Variants in MTIF3 observed in about 807,000 individuals in gnomAD.
MTIF3 encodes the protein translation initiation factor IF-3, mitochondrial.
In MTIF3, 13 loss-of-function variants were observed where a neutral mutation model predicts 20.7. The ratio of observed to expected loss-of-function variants is 0.63; its 90% CI spans 0.41 to 1.00. The LOEUF is 1.00. Ranked by LOEUF, MTIF3 falls within the 50% of genes least tolerant of loss-of-function variation. The probability of loss-of-function intolerance (pLI) is 0.00; values close to 1 mark genes in which losing one functional copy is unlikely to be tolerated. For missense variants in MTIF3, 295 were observed against 324.5 expected (o/e 0.91, Z 0.70); for synonymous variants, 114 against 112.5 (o/e 1.01, Z -0.08).
chr13:27,436,009 T>G (rs1953727029), intron 4 of MTIF3, 116 bp from the exon 5 acceptor site: 2 of 744,462 alleles, frequency 2.7e-6, no homozygotes, highest in Non-Finnish European at 4.5e-6. Flanking sequence ...GTCGGTTAAG[T>G]GATTAGCTAA....
intron 1 of MTIF3, among the ~76,000 whole-genome samples, chr13:27,446,064 CT>C (rs59086781): frequency 0.16 from 23,495 of 149,104 alleles, 1,915 homozygotes; most frequent in African/African-American, 0.16. Context: ...TTTCTTTTTT[CT>C]TTTTTTTTTG....
chr13:27,443,796 T>A (rs575513372), intron 2 of MTIF3, among the ~76,000 whole-genome samples: 2 of 152,132 alleles, frequency 1.3e-5, no homozygotes, highest in South Asian at 4.2e-4. Context: ...ATGAAAAAAA[T>A]TTATAAAAAT....
intron 1 of MTIF3, among the ~76,000 whole-genome samples, chr13:27,448,895 G>A (rs1406578518): frequency 6.6e-6 from 1 of 152,030 alleles, no homozygotes; most frequent in Non-Finnish European, 1.5e-5. Context: ...AAAAAAACTA[G>A]CCGGGCCTGG....
Position 27,440,158 on chromosome 13 carries a change from C to T in MTIF3, c.291G>A (p.Leu97=). 11 of 1,614,216 alleles carry T rather than the reference C, an allele frequency of 6.8e-6. No homozygotes were observed. Among genetic ancestry groups the T allele is most frequent in the Non-Finnish European group, 9.3e-6 (11 of 1,180,034 alleles). The change falls in exon 3 of 5, where the codon TTG becomes TTA. Residue 97 remains leucine, a synonymous_variant. Coordinates refer to ENST00000381120, the MANE Select transcript of MTIF3 (RefSeq NM_152912.5). ...TCACATTTGCTCGGTGCATGTTTCCCAAATCATTGCCCTTCTCATCAAATA... is the reference window on the plus strand; with the variant it reads ...TCACATTTGCTCGGTGCATGTTTCCTAAATCATTGCCCTTCTCATCAAATA... ...IHLFDEKGND[L]GNMHRANVIR...
Position 27,435,686 on chromosome 13 carries a change from G to A in MTIF3, c.826C>T (p.Leu276=). ...TTTCTTTATTAAAATTACTGATGCA[G>A]AACATTTGATTCCTTATCATTTCCA... The part of the protein sequence containing the change: ...DHGNDKESNV[L]HQ The change falls in exon 5 of 5, where the codon CTG becomes TTG. Residue 276 remains leucine, a synonymous_variant. Transcript: ENST00000381120. 6.2e-7 allele frequency: 1 copy of A among 1,613,782 alleles called. No homozygotes were observed. Among genetic ancestry groups the A allele is most frequent in the African/African-American group, 1.3e-5 (1 of 75,002 alleles).
intron 1 of MTIF3, 32 bp from the exon 2 acceptor site, chr13:27,445,188 T>G (rs974903672): frequency 6.6e-6 from 1 of 151,994 alleles, no homozygotes; most frequent in African/African-American, 2.4e-5. Flanking sequence ...TAAAAGTAAT[T>G]AGAAAATCAT....
intron 1 of MTIF3, among the ~76,000 whole-genome samples, chr13:27,446,098 C>G (rs1282055596): frequency 6.6e-6 from 1 of 151,946 alleles, no homozygotes; most frequent in Non-Finnish European, 1.5e-5. Context: ...ACTCTGTCAC[C>G]CAGACTGGAG....
chr13:27,445,429 T>G lies in MTIF3; in HGVS notation c.-70-273A>C, dbSNP rs539799595. On this transcript the variant is annotated intron_variant, in intron 1 of 4. Coordinates refer to ENST00000381120, the MANE Select transcript of MTIF3 (RefSeq NM_152912.5). ...AGGTTGAGGCTGCAGTGAGCTCTGA[T>G]CACACCACTGCACTCCAGTCTGGAC... Among the ~76,000 whole-genome samples the G allele has an allele frequency of 3.3e-5, 5 of 151,304 alleles. No homozygotes were observed. The East Asian group carries it at 7.8e-4, about 24-fold the overall frequency.
At chr13:27,441,254 A>G (rs1226112380) in intron 2 of MTIF3, 3 of 152,222 alleles carry the variant, frequency 2.0e-5, no homozygotes, top group Non-Finnish European at 4.4e-5. Flanking sequence ...TTAGGGCTTT[A>G]TTTATGAGGA....
chr13:27,447,589 A>G (rs1050468696), intron 1 of MTIF3, among the ~76,000 whole-genome samples: 1 of 152,266 alleles, frequency 6.6e-6, no homozygotes, highest in African/African-American at 2.4e-5. Flanking sequence ...CTCAGACTTT[A>G]TCTGAGTTTT....
At chr13:27,449,005 A>G (rs1329397934) in intron 1 of MTIF3, among the ~76,000 whole-genome samples, 1 of 151,966 alleles carries the variant, frequency 6.6e-6, no homozygotes, top group African/African-American at 2.4e-5. Flanking sequence ...CGTGCACCGC[A>G]CTCCAGCCTA....
At chr13:27,441,207 G>C (rs1953992561) in intron 2 of MTIF3, 1 of 152,202 alleles carries the variant, frequency 6.6e-6, no homozygotes, top group Non-Finnish European at 1.5e-5. Flanking sequence ...TATTTCTCAT[G>C]CATCTTGTAG....
chr13:27,444,920 T>G (rs570737156), intron 2 of MTIF3, among the ~76,000 whole-genome samples, 168 bp downstream of exon 2: 3 of 152,344 alleles, frequency 2.0e-5, no homozygotes, highest in Admixed American at 6.5e-5. Context: ...CTGGTCAATT[T>G]TGGTGTAATT....
chr13:27,448,595 G>A (rs1954253791), intron 1 of MTIF3, among the ~76,000 whole-genome samples: 1 of 152,184 alleles, frequency 6.6e-6, no homozygotes, highest in African/African-American at 2.4e-5. Flanking sequence ...AGCTGTTTAC[G>A]TGCTAGAACT....
Position 27,440,349 on chromosome 13 carries a change from G to A in MTIF3, c.100C>T (p.Pro34Ser). Residue 34 changes from proline (P) to serine (S), a missense_variant, in exon 3 of 5, where the codon CCA becomes TCA. Coordinates refer to ENST00000381120, the MANE Select transcript of MTIF3 (RefSeq NM_152912.5). ...FGKHILQKTAPAQLSPIASAP... is the reference protein window; with the variant it reads ...FGKHILQKTASAQLSPIASAP... ...GAAGCAATAGGGGACAACTGTGCTG[G>A]TGCTGTCTTTTGCAGGATGTGTTTA... The A allele has an allele frequency of 1.2e-6, 2 of 1,614,156 alleles. No individual in the cohort carries two copies. Among genetic ancestry groups the A allele is most frequent in the East Asian group, 2.2e-5 (1 of 44,884 alleles).
At chr13:27,444,112 G>A (rs570474489) in intron 2 of MTIF3, among the ~76,000 whole-genome samples, 1 of 152,172 alleles carries the variant, frequency 6.6e-6, no homozygotes, top group South Asian at 2.1e-4. Flanking sequence ...GACCATCCTG[G>A]CTAACACAGT....
intron 2 of MTIF3, among the ~76,000 whole-genome samples, chr13:27,441,557 G>A (rs1427540301): frequency 2.0e-5 from 3 of 152,222 alleles, no homozygotes; most frequent in African/African-American, 7.2e-5. Context: ...GGTGACAGTG[G>A]TTTTACTTCA....
chr13:27,438,651 A>G (rs1953885134), intron 3 of MTIF3, among the ~76,000 whole-genome samples: 1 of 151,882 alleles, frequency 6.6e-6, no homozygotes, highest in South Asian at 2.1e-4. Flanking sequence ...TTGCACCACT[A>G]CACCTTGCTA....
intron 2 of MTIF3, chr13:27,441,090 A>T (rs1953989189): frequency 6.5e-6 from 1 of 154,952 alleles, no homozygotes; most frequent in Non-Finnish European, 1.4e-5. Flanking sequence ...GAGGAGGAGG[A>T]GCAAGAGGAG....
Sources: allele counts gnomAD v4.1 joint callset (sites outside exome capture counted in the v4.1 genomes callset), GRCh38; gene constraint gnomAD v4.1.1; transcripts MANE v1.5; gene names NCBI Gene and HGNC (gene_info 2026-07-23, HGNC 2026-07-21).